NBAS: variants seen among roughly 807,000 people sequenced by gnomAD.
NBAS encodes the protein NAG/BC035112 fusion.
Under a neutral mutation model 302.5 loss-of-function variants are expected in NBAS, and 219 were observed. The observed-to-expected ratio is 0.72, with a 90% CI of 0.65 to 0.81. The LOEUF (loss-of-function observed/expected upper bound fraction) is 0.81, where lower values mean the gene tolerates loss of function less well. NBAS is among the 30% of genes least tolerant of loss of function. NBAS has a pLI of 0.00. For synonymous variants in NBAS, 1,118 were observed against 1,021.6 expected (o/e 1.09, Z -1.80); for missense variants, 2,932 against 2,841.6 (o/e 1.03, Z -0.72).
the NBAS span, among the ~76,000 whole-genome samples, chr2:15,136,730 G>A: frequency 5.3e-5 from 8 of 152,310 alleles, no homozygotes; most frequent in East Asian, 1.9e-4. Context: ...TAGTTCCCAC[G>A]TGTCAAAGGA....
At chr2:15,287,417 CTG>C (rs1281009509) in intron 41 of NBAS, among the ~76,000 whole-genome samples, 1 of 152,184 alleles carries the variant, frequency 6.6e-6, no homozygotes, top group Non-Finnish European at 1.5e-5. Context: ...TAGTTCTCAA[CTG>C]TGGATGATTT....
intron 31 of NBAS, among the ~76,000 whole-genome samples, chr2:15,374,321 CT>C (rs1287058459): frequency 6.6e-6 from 1 of 152,076 alleles, no homozygotes; most frequent in African/African-American, 2.4e-5. Context: ...TCCCCAATAT[CT>C]TTTTTTGTTT....
At chr2:14,796,458 C>T in the NBAS span, among the ~76,000 whole-genome samples, 796 of 152,250 alleles carry the variant, frequency 5.2e-3, 4 homozygotes, top group African/African-American at 0.018. Context: ...ATTGAATTTA[C>T]CAATTCATAA....
chr2:14,887,000 G>GA, the NBAS span, among the ~76,000 whole-genome samples: 12 of 152,140 alleles, frequency 7.9e-5, no homozygotes, highest in Non-Finnish European at 1.3e-4. Context: ...GACCCCACTG[G>GA]AAATTTAACC....
chr2:14,905,173 C>CCA, the NBAS span, among the ~76,000 whole-genome samples: 1 of 152,218 alleles, frequency 6.6e-6, no homozygotes, highest in African/African-American at 2.4e-5. Flanking sequence ...ACTCAAATGT[C>CCA]CATCTCCTCT....
intron 28 of NBAS, among the ~76,000 whole-genome samples, chr2:15,389,941 T>C (rs995136884): frequency 1.3e-5 from 2 of 152,138 alleles, no homozygotes; most frequent in South Asian, 2.1e-4. Flanking sequence ...AGTCCCTGCA[T>C]TGAGAAGACA....
In NBAS at chr2:15,277,115, C is replaced by T. The variant is rs766531212; in HGVS notation, c.5139-14G>A. The T allele has an allele frequency of 2.5e-6, 4 of 1,612,516 alleles. No homozygotes were observed. In the African/African-American group the frequency reaches 5.4e-5, roughly 22 times the overall value. ...AGTGTGGACAAACTGAAATTAAGAG[C>T]CAAAGGAACTGTGTTAAGATTTTGT... is the stretch of plus-strand genomic sequence containing the variant. On this transcript the variant is annotated splice_polypyrimidine_tract_variant and intron_variant, in intron 42 of 51. Transcript: ENST00000281513.
the NBAS span, among the ~76,000 whole-genome samples, chr2:14,793,758 C>T: frequency 6.6e-6 from 1 of 152,002 alleles, no homozygotes; most frequent in Non-Finnish European, 1.5e-5. Context: ...GAAATCTATA[C>T]CAAAATATAA....
At chr2:15,278,751 G>C (rs182360549) in intron 42 of NBAS, among the ~76,000 whole-genome samples, 45 of 152,258 alleles carry the variant, frequency 3.0e-4, no homozygotes, top group African/African-American at 9.6e-4. Context: ...AGTATCACCT[G>C]ACAAAGGGCA....
At chr2:15,517,397 T>C (rs748264322) in intron 9 of NBAS, among the ~76,000 whole-genome samples, 62 of 152,102 alleles carry the variant, frequency 4.1e-4, no homozygotes, top group Non-Finnish European at 1.9e-4. Context: ...AGGGAACAAA[T>C]ACAAAAATAT....
chr2:15,358,922 T>C (rs1328157652), intron 32 of NBAS, among the ~76,000 whole-genome samples: 2 of 152,222 alleles, frequency 1.3e-5, no homozygotes, highest in Non-Finnish European at 2.9e-5. Flanking sequence ...TGCGGGTTAT[T>C]TCAAAGTGAA....
At chr2:15,178,091 G>A (rs1558411843) in intron 51 of NBAS, 4 of 467,558 alleles carry the variant, frequency 8.6e-6, no homozygotes. Flanking sequence ...CCTCTTCACT[G>A]TCTTGAGTAG....
At chr2:15,400,200 T>A (rs1351948189) in intron 26 of NBAS, among the ~76,000 whole-genome samples, 2 of 148,754 alleles carry the variant, frequency 1.3e-5, no homozygotes, top group Non-Finnish European at 3.0e-5. Context: ...CCAAGAAGGA[T>A]GTTTCAAAAG....
At chr2:15,397,141 T>A (rs1675902321) in intron 26 of NBAS, among the ~76,000 whole-genome samples, 1 of 152,160 alleles carries the variant, frequency 6.6e-6, no homozygotes, top group Non-Finnish European at 1.5e-5. Flanking sequence ...AAAATGTGCC[T>A]GGTAGGGAAG....
Position 15,190,397 on chromosome 2 carries a change from T to C in NBAS, c.6439A>G (p.Ile2147Val), listed in dbSNP as rs1477637601. ...TTCTCTTCATTCTCAATGTCAGCTA[T>C]GTCTACCTGGAAGAAGAAATACACA... ...KASWPQRQVD[I>V]ADIENEENRY... is the part of the protein sequence containing the mutation. The change falls in exon 49 of 52, where the codon ATA becomes GTA. Residue 2147 changes from isoleucine to valine, a missense_variant. Coordinates refer to ENST00000281513, the MANE Select transcript of NBAS (RefSeq NM_015909.4). 1.9e-6 allele frequency: 3 copies of C among 1,613,932 alleles called. No individual in the cohort carries two copies. Among genetic ancestry groups the C allele is most frequent in the South Asian group, 2.2e-5 (2 of 91,080 alleles).
intron 22 of NBAS, 107 bp from the exon 23 acceptor site, chr2:15,424,575 G>A (rs1343443398): frequency 3.1e-6 from 4 of 1,285,926 alleles, no homozygotes; most frequent in Admixed American, 1.7e-5. Context: ...TAAGAGACAG[G>A]GAGCATACAT....
intron 9 of NBAS, among the ~76,000 whole-genome samples, chr2:15,518,329 G>T (rs529314688): frequency 6.6e-6 from 1 of 152,218 alleles, no homozygotes; most frequent in South Asian, 2.1e-4. Context: ...AAGAAATCTA[G>T]TCTATAAAAG....
At chr2:15,343,615 T>C (rs1342416480) in intron 35 of NBAS, among the ~76,000 whole-genome samples, 1 of 152,148 alleles carries the variant, frequency 6.6e-6, no homozygotes, top group African/African-American at 2.4e-5. Context: ...TTAATTTTTA[T>C]TGTGATATGA....
chr2:15,374,808 C>A (rs896053736), intron 30 of NBAS, 88 bp from the exon 31 acceptor site: 2 of 1,102,570 alleles, frequency 1.8e-6, no homozygotes, highest in East Asian at 2.4e-5. Flanking sequence ...ACATATTTAT[C>A]AAAAATCTAC....
Sources: gnomAD v4.1 joint callset for allele counts (sites outside exome capture counted in the v4.1 genomes callset) on GRCh38, gnomAD v4.1.1 for gene constraint, MANE v1.5 for transcripts, NCBI Gene and HGNC (gene_info 2026-07-23, HGNC 2026-07-21) for gene names.